Variants in JADE1 observed in about 807,000 individuals in gnomAD.
The protein encoded by JADE1 is protein Jade-1.
JADE1 carries 14 observed loss-of-function variants against 81.8 expected under a neutral mutation model. The ratio of observed to expected loss-of-function variants is 0.17; its 90% confidence interval spans 0.11 to 0.27. The LOEUF (loss-of-function observed/expected upper bound fraction) is 0.27, where lower values mean the gene tolerates loss of function less well. JADE1 is among the 10% of genes least tolerant of loss of function. The probability of loss-of-function intolerance (pLI) is 1.00; values close to 1 mark genes in which losing one functional copy is unlikely to be tolerated. For missense variants in JADE1, 690 were observed against 1,047.9 expected, an observed-to-expected ratio of 0.66 and a Z score of 4.71; for synonymous variants, 353 against 391.9, an observed-to-expected ratio of 0.90 and a Z score of 1.17.
chr4:128,841,151 T>G (rs916754985), intron 2 of JADE1, among the ~76,000 whole-genome samples: 7 of 152,266 alleles, frequency 4.6e-5, no homozygotes, highest in African/African-American at 1.7e-4. Flanking sequence ...ACTGGCAGAA[T>G]GGCAGTTAAC....
chr4:128,841,611 AT>A (rs1422924788), intron 2 of JADE1, among the ~76,000 whole-genome samples: 11 of 152,220 alleles, frequency 7.2e-5, no homozygotes, highest in African/African-American at 2.7e-4. Flanking sequence ...GAGTTGACAG[AT>A]CTAAGGAATA....
intron 1 of JADE1, among the ~76,000 whole-genome samples, chr4:128,828,886 C>T (rs142868357): frequency 6.6e-6 from 1 of 152,312 alleles, no homozygotes; most frequent in African/African-American, 2.4e-5. Flanking sequence ...TTCAAGCAGT[C>T]CTCCTGCCCT....
At chr4:128,870,647 C>T (rs1239558585) in intron 10 of JADE1, among the ~76,000 whole-genome samples, 1 of 152,102 alleles carries the variant, frequency 6.6e-6, no homozygotes, top group African/African-American at 2.4e-5. Flanking sequence ...AATGTGAACT[C>T]TTACTAGGTC....
At chr4:128,864,389 A>T in intron 9 of JADE1, 2 of 926,642 alleles carry the variant, frequency 2.2e-6, no homozygotes, top group African/African-American at 1.8e-5. Flanking sequence ...CAAGTGATCT[A>T]CCTGTCTTGG....
chr4:128,841,456 A>T (rs1481846218), intron 2 of JADE1, among the ~76,000 whole-genome samples: 1 of 152,240 alleles, frequency 6.6e-6, no homozygotes, highest in African/African-American at 2.4e-5. Flanking sequence ...TTGACCTACC[A>T]TTGATTGTGT....
At chr4:128,849,280 T>C (rs995992542) in intron 5 of JADE1, 113 bp downstream of exon 5, 2 of 867,688 alleles carry the variant, frequency 2.3e-6, no homozygotes, top group Admixed American at 5.5e-5. Flanking sequence ...AGCTCCATCA[T>C]AGCTTTAGTC....
chr4:128,813,323 G>A (rs1317831781), intron 1 of JADE1, among the ~76,000 whole-genome samples: 1 of 151,212 alleles, frequency 6.6e-6, no homozygotes, highest in East Asian at 1.9e-4. Context: ...TGTTTTGTGA[G>A]TAACACTCTT....
chr4:128,864,736 T>C (rs1369573316), intron 9 of JADE1: 1 of 372,518 alleles, frequency 2.7e-6, no homozygotes, highest in Non-Finnish European at 3.7e-6. Context: ...TCAAGGCATA[T>C]GATCATTCTC....
At chr4:128,866,590 T>C (rs559491434) in intron 9 of JADE1, among the ~76,000 whole-genome samples, 1 of 152,382 alleles carries the variant, frequency 6.6e-6, no homozygotes. Context: ...GTTGCTGTCC[T>C]CACTGCCAAA....
chr4:128,830,810 A>G (rs1728487697), intron 1 of JADE1, among the ~76,000 whole-genome samples: 1 of 152,208 alleles, frequency 6.6e-6, no homozygotes, highest in African/African-American at 2.4e-5. Context: ...CATCTGTATA[A>G]GTTCATTACT....
chr4:128,873,353 A>G lies in JADE1; in HGVS notation c.*1091A>G, dbSNP rs183331240. The G allele has an allele frequency of 2.0e-5, 3 of 152,932 alleles. No individual in the cohort carries two copies. Among genetic ancestry groups the G allele is most frequent in the African/African-American group, 4.8e-5 (2 of 41,562 alleles). The allele number at this position is 152,932 out of a possible 1,614,324, so 9.5% of individuals were successfully genotyped here. On this transcript the variant is annotated 3_prime_UTR_variant, in exon 11 of 11. Coordinates refer to ENST00000226319, the MANE Select transcript of JADE1 (RefSeq NM_199320.4). ...ATATTTTAAAAACAATAGAAAGGCA[A>G]TAAGTTGCGATAAGCTCTTACTATT...
rs768201100 is a variant in JADE1, at chr4:128,855,810, C to T, written c.864+13C>T. On this transcript the variant is annotated intron_variant, in intron 7 of 10. Coordinates refer to ENST00000226319, the MANE Select transcript of JADE1 (RefSeq NM_199320.4). ...GTGGATCCCTGAGGTACGTGTGGTT[C>T]TTTTTTTGTTGTTTTTACTTTTTTT... 6.4e-7 allele frequency: 1 copy of T among 1,565,860 alleles called. No homozygotes were observed. The highest frequency in any genetic ancestry group is 1.1e-5 in the South Asian group (1 of 87,718).
chr4:128,836,910 A>G (rs888200650), intron 2 of JADE1, among the ~76,000 whole-genome samples: 1 of 151,978 alleles, frequency 6.6e-6, no homozygotes, highest in Non-Finnish European at 1.5e-5. Flanking sequence ...CTTTATATAT[A>G]TGTAGCAAAT....
At chr4:128,857,649 A>G (rs1375594169) in intron 8 of JADE1, among the ~76,000 whole-genome samples, 195 bp downstream of exon 8, 1 of 152,058 alleles carries the variant, frequency 6.6e-6, no homozygotes, top group Non-Finnish European at 1.5e-5. Flanking sequence ...TGTAACTAGA[A>G]CCCAAGCTTT....
At chr4:128,839,305 A>G (rs201901153) in intron 2 of JADE1, among the ~76,000 whole-genome samples, 4 of 152,202 alleles carry the variant, frequency 2.6e-5, no homozygotes, top group East Asian at 1.9e-4. Context: ...CGGGTTCACA[A>G]CCCCCTCCCA....
chr4:128,859,576 T>C (rs1731147746), intron 8 of JADE1, among the ~76,000 whole-genome samples: 1 of 151,940 alleles, frequency 6.6e-6, no homozygotes, highest in Non-Finnish European at 1.5e-5. Context: ...AGTATGCGTG[T>C]ATGTGTGAGT....
chr4:128,852,166 C>T lies in JADE1; in HGVS notation c.594C>T (p.Ile198=), dbSNP rs775469584. Residue 198 remains isoleucine, a synonymous_variant, in exon 6 of 11, where the codon ATC becomes ATT. Coordinates refer to ENST00000226319, the MANE Select transcript of JADE1 (RefSeq NM_199320.4). ...HAIETEEGLG[I]EYDEDVVCDV... ...TAGAGACTGAGGAAGGCCTGGGGAT[C>T]GAATATGATGAAGATGTTGTCTGTG... 6.8e-5 allele frequency: 110 copies of T among 1,613,898 alleles called. No homozygotes were observed. The highest frequency in any genetic ancestry group is 8.5e-5 in the Non-Finnish European group (100 of 1,179,988).
In JADE1 at chr4:128,858,215, G is replaced by A. The variant is rs142427141; in HGVS notation, c.981+761G>A. Among the ~76,000 whole-genome samples, 59 of 152,342 alleles carry A rather than the reference G, an allele frequency of 3.9e-4. 1 individual carries two copies. The highest frequency in any genetic ancestry group is 1.3e-3 in the African/African-American group (54 of 41,580). On this transcript the variant is annotated intron_variant, in intron 8 of 10. Coordinates refer to ENST00000226319, the MANE Select transcript of JADE1 (RefSeq NM_199320.4). ...GATGTCATGAGATAGGGGAATTAAGGAGGGAATATAGATGGCATGCTGTTT... is the reference window on the plus strand; with the variant it reads ...GATGTCATGAGATAGGGGAATTAAGAAGGGAATATAGATGGCATGCTGTTT...
chr4:128,855,765 G>C lies in JADE1; in HGVS notation c.832G>C (p.Val278Leu). ...GCCCACCCGTAGCGGAACCAAGTGG[G>C]TCCACGTTAGCTGTGCTCTGTGGAT... is the stretch of plus-strand genomic sequence containing the variant. Reference protein sequence around the residue: ...MKPTRSGTKWVHVSCALWIPE... With the variant: ...MKPTRSGTKWLHVSCALWIPE... The change falls in exon 7 of 11, where the codon GTC becomes CTC. Residue 278 changes from valine (V) to leucine (L), a missense_variant. Physicochemically the swap from Val to Leu is conservative, Grantham distance 32. Coordinates refer to ENST00000226319, the MANE Select transcript of JADE1 (RefSeq NM_199320.4). 1 of 1,613,796 alleles carries C rather than the reference G, an allele frequency of 6.2e-7. No homozygotes were observed. Among genetic ancestry groups the C allele is most frequent in the Non-Finnish European group, 8.5e-7 (1 of 1,179,804 alleles).
Sources: gnomAD v4.1 joint callset for allele counts (sites outside exome capture counted in the v4.1 genomes callset) on GRCh38, gnomAD v4.1.1 for gene constraint, MANE v1.5 for transcripts, NCBI Gene and HGNC (gene_info 2026-07-23, HGNC 2026-07-21) for gene names.